The following RBMS1 variants were observed in gnomAD, a reference collection of about 807,000 sequenced individuals.
The protein encoded by RBMS1 is RNA-binding motif, single-stranded-interacting protein 1.
A neutral mutation model predicts 62.3 loss-of-function variants in RBMS1; 17 were observed. That is an observed-to-expected ratio of 0.27 (90% CI 0.19 to 0.41). RBMS1 has a LOEUF of 0.41. Among genes scored for constraint, RBMS1 ranks in the 10% least tolerant of loss-of-function variants. RBMS1 has a pLI of 1.00. For missense variants in RBMS1, 334 were observed against 504.5 expected (o/e 0.66, Z 3.24); for synonymous variants, 172 against 170.0 (o/e 1.01, Z -0.09).
chr2:160,421,292 C>T (rs1277514637), intron 1 of RBMS1, among the ~76,000 whole-genome samples: 1 of 144,478 alleles, frequency 6.9e-6, no homozygotes, highest in Non-Finnish European at 1.5e-5. Context: ...GCTATTCCCT[C>T]CCCCCTTCCC....
At chr2:160,395,126 T>C (rs566944902) in intron 1 of RBMS1, among the ~76,000 whole-genome samples, 3 of 152,352 alleles carry the variant, frequency 2.0e-5, no homozygotes, top group African/African-American at 4.8e-5. Flanking sequence ...ATATCTCCAC[T>C]GTAGGACTTC....
intron 6 of RBMS1, among the ~76,000 whole-genome samples, chr2:160,293,828 G>C (rs1264422452): frequency 6.6e-6 from 1 of 152,144 alleles, no homozygotes; most frequent in East Asian, 1.9e-4. Flanking sequence ...AGCATTTTTA[G>C]ACAAATCACT....
At chr2:160,476,550 TC>T (rs1232060343) in intron 1 of RBMS1, among the ~76,000 whole-genome samples, 3 of 137,436 alleles carry the variant, frequency 2.2e-5, no homozygotes, top group African/African-American at 7.7e-5. Context: ...AAAACACACT[TC>T]TTTTTTTTTT....
chr2:160,416,159 C>A (rs1441496610), intron 1 of RBMS1: 1 of 149,064 alleles, frequency 6.7e-6, no homozygotes, highest in Non-Finnish European at 1.5e-5. Flanking sequence ...TGATACTCCC[C>A]AAGTGAAGAG....
intron 1 of RBMS1, among the ~76,000 whole-genome samples, chr2:160,416,416 A>G (rs1336313247): frequency 6.6e-6 from 1 of 152,172 alleles, no homozygotes; most frequent in East Asian, 1.9e-4. Flanking sequence ...AAAGTGCCAG[A>G]AGGAAGAAGT....
intron 1 of RBMS1, among the ~76,000 whole-genome samples, chr2:160,370,362 C>G (rs888553905): frequency 1.1e-4 from 16 of 152,206 alleles, no homozygotes; most frequent in Admixed American, 7.9e-4. Flanking sequence ...GGGCCGGGCG[C>G]AGTGGCTCAC....
chr2:160,362,630 A>G (rs1290119569), intron 2 of RBMS1, among the ~76,000 whole-genome samples: 1 of 152,184 alleles, frequency 6.6e-6, no homozygotes, highest in African/African-American at 2.4e-5. Flanking sequence ...ATCACAGATC[A>G]CCACAACAGA....
chr2:160,339,957 C>T (rs568035596), intron 2 of RBMS1, among the ~76,000 whole-genome samples: 34 of 152,290 alleles, frequency 2.2e-4, no homozygotes, highest in African/African-American at 8.2e-4. Context: ...GTCATTCTCA[C>T]TCTTAGACAC....
At chr2:160,297,130 G>T (rs1216679784) in intron 6 of RBMS1, among the ~76,000 whole-genome samples, 1 of 152,194 alleles carries the variant, frequency 6.6e-6, no homozygotes, top group Non-Finnish European at 1.5e-5. Flanking sequence ...TTGCTGATCT[G>T]GGATACAGAT....
intron 1 of RBMS1, among the ~76,000 whole-genome samples, chr2:160,396,653 C>T (rs540925610): frequency 1.4e-5 from 2 of 148,080 alleles, no homozygotes; most frequent in Admixed American, 1.4e-4. Context: ...GCAACCTCCG[C>T]CTCCCGGGTT....
At chr2:160,315,394 G>A (rs1690158918) in intron 3 of RBMS1, among the ~76,000 whole-genome samples, 1 of 152,082 alleles carries the variant, frequency 6.6e-6, no homozygotes, top group African/African-American at 2.4e-5. Context: ...CGTTTTTGAA[G>A]GCAGGGTTCA....
At chr2:160,417,448 TC>T (rs1696253148) in intron 1 of RBMS1, among the ~76,000 whole-genome samples, 1 of 152,208 alleles carries the variant, frequency 6.6e-6, no homozygotes, top group African/African-American at 2.4e-5. Flanking sequence ...CCATTAATTG[TC>T]AGAATAAATC....
chr2:160,275,216 T>G (rs1173881087), intron 13 of RBMS1, among the ~76,000 whole-genome samples: 2 of 152,218 alleles, frequency 1.3e-5, no homozygotes, highest in Non-Finnish European at 2.9e-5. Context: ...ATATTGACAT[T>G]TATCTAAATT....
intron 1 of RBMS1, among the ~76,000 whole-genome samples, chr2:160,443,154 C>T (rs928406871): frequency 2.7e-5 from 4 of 150,412 alleles, no homozygotes; most frequent in African/African-American, 4.9e-5. Flanking sequence ...TGCAGTGAGC[C>T]GAGATTGCGC....
intron 2 of RBMS1, among the ~76,000 whole-genome samples, chr2:160,362,738 A>C (rs776701053): frequency 6.6e-6 from 1 of 152,218 alleles, no homozygotes; most frequent in Non-Finnish European, 1.5e-5. Flanking sequence ...ATGCCAATAG[A>C]CTTGCCCAAT....
intron 1 of RBMS1, among the ~76,000 whole-genome samples, chr2:160,447,479 T>G (rs576828972): frequency 6.6e-6 from 1 of 152,330 alleles, no homozygotes; most frequent in African/African-American, 2.4e-5. Context: ...AGAACTGGTA[T>G]TTTTAAAATG....
chr2:160,443,572 T>A (rs991752457), intron 1 of RBMS1, among the ~76,000 whole-genome samples: 8 of 151,530 alleles, frequency 5.3e-5, no homozygotes, highest in Admixed American at 1.3e-4. Flanking sequence ...ACCCCCACTC[T>A]CTCTCTGGTT....
intron 1 of RBMS1, among the ~76,000 whole-genome samples, chr2:160,479,149 A>G (rs1233613048): frequency 6.6e-6 from 1 of 152,250 alleles, no homozygotes; most frequent in Non-Finnish European, 1.5e-5. Context: ...CGATCTGGGA[A>G]AATTCCAGGC....
chr2:160,339,832 T>A (rs1057186051), intron 2 of RBMS1, among the ~76,000 whole-genome samples: 1 of 152,190 alleles, frequency 6.6e-6, no homozygotes, highest in Non-Finnish European at 1.5e-5. Context: ...GTATTTATCT[T>A]TGCATTGATG....
Sources: gnomAD v4.1 joint callset for allele counts (sites outside exome capture counted in the v4.1 genomes callset) on GRCh38, gnomAD v4.1.1 for gene constraint, MANE v1.5 for transcripts, NCBI Gene and HGNC (gene_info 2026-07-23, HGNC 2026-07-21) for gene names.